The following CEP128 variants were observed in gnomAD, a reference collection of about 807,000 sequenced individuals.
CEP128 encodes the protein centrosomal protein 128.
CEP128 carries 132 observed loss-of-function variants against 156.7 expected under a neutral mutation model. That is an observed-to-expected ratio of 0.84 (90% confidence interval 0.73 to 0.97). CEP128 has a LOEUF of 0.97. Among genes scored for constraint, CEP128 ranks in the 50% least tolerant of loss-of-function variants. CEP128 has a pLI of 0.00. For missense variants in CEP128, 1,252 were observed against 1,281.9 expected (o/e 0.98, Z 0.36); for synonymous variants, 469 against 448.9 (o/e 1.04, Z -0.57).
At chr14:80,580,468 C>CGAGTTAT (rs1891543305) in intron 19 of CEP128, 45 bp from the exon 20 acceptor site, 8 of 1,190,730 alleles carry the variant, frequency 6.7e-6, no homozygotes, top group Admixed American at 1.7e-5. Context: ...AATGTAAAAA[C>CGAGTTAT]GAGTTGCCTC....
chr14:80,759,772 T>C (rs917021812), intron 17 of CEP128, among the ~76,000 whole-genome samples: 3 of 152,120 alleles, frequency 2.0e-5, no homozygotes, highest in African/African-American at 7.2e-5. Context: ...TCTTGGAATA[T>C]ATTGGAAGGA....
At chr14:80,822,789 C>T in intron 13 of CEP128, 2 of 754,230 alleles carry the variant, frequency 2.7e-6, no homozygotes, top group Admixed American at 1.7e-5. Context: ...GCTGGAGACG[C>T]CAAGTGAAGT....
intron 14 of CEP128, among the ~76,000 whole-genome samples, chr14:80,484,143 AT>A (rs1887110577): frequency 6.6e-6 from 1 of 151,984 alleles, no homozygotes; most frequent in South Asian, 2.1e-4. Flanking sequence ...TGCCCAACTA[AT>A]TTTTGTATTT....
At chr14:80,559,530 T>G (rs552918990) in intron 20 of CEP128, among the ~76,000 whole-genome samples, 1 of 152,174 alleles carries the variant, frequency 6.6e-6, no homozygotes, top group Non-Finnish European at 1.5e-5. Flanking sequence ...AGTTTAAGAG[T>G]AAATGCTACA....
chr14:80,782,888 T>C (rs1214167280), intron 15 of CEP128, among the ~76,000 whole-genome samples: 1 of 152,190 alleles, frequency 6.6e-6, no homozygotes, highest in Non-Finnish European at 1.5e-5. Context: ...CCTCCTGTCA[T>C]ATGGCCTTTT....
intron 8 of CEP128, among the ~76,000 whole-genome samples, chr14:80,864,670 C>T (rs1019452662): frequency 2.0e-5 from 3 of 151,952 alleles, no homozygotes; most frequent in Non-Finnish European, 4.4e-5. Flanking sequence ...GATTCTCCCG[C>T]CTCAGTCTCC....
chr14:80,746,639 T>G (rs997873656), intron 18 of CEP128, among the ~76,000 whole-genome samples: 5 of 152,210 alleles, frequency 3.3e-5, no homozygotes, highest in Non-Finnish European at 7.3e-5. Context: ...ATAAGATTAT[T>G]GAAAGAAAAC....
chr14:80,729,295 G>C (rs1365306834), intron 19 of CEP128, among the ~76,000 whole-genome samples: 2 of 151,696 alleles, frequency 1.3e-5, no homozygotes, highest in Non-Finnish European at 2.9e-5. Flanking sequence ...ACTTCACTTA[G>C]AATAATGGTC....
At chr14:80,738,366 A>C (rs1898640862) in intron 19 of CEP128, among the ~76,000 whole-genome samples, 1 of 152,238 alleles carries the variant, frequency 6.6e-6, no homozygotes, top group South Asian at 2.1e-4. Flanking sequence ...AGCAGGGAAA[A>C]GCAGAAAAAC....
At chr14:80,921,718 C>A (rs9805948) in intron 2 of CEP128, among the ~76,000 whole-genome samples, 9,779 of 152,114 alleles carry the variant, frequency 0.064, 1,045 homozygotes, top group African/African-American at 0.22. Flanking sequence ...TATCTTAGCA[C>A]TTTGGGAGGC....
At chr14:80,489,776 T>G (rs1887260472), downstream of CEP128, among the ~76,000 whole-genome samples, 2 of 152,050 alleles carry the variant, frequency 1.3e-5, no homozygotes, top group Non-Finnish European at 2.9e-5. Flanking sequence ...GTGTGACATC[T>G]CCAGTGGAAG....
At chr14:80,695,338 G>A (rs1309626956) in intron 19 of CEP128, among the ~76,000 whole-genome samples, 1 of 152,198 alleles carries the variant, frequency 6.6e-6, no homozygotes, top group Non-Finnish European at 1.5e-5. Flanking sequence ...TATACATTGA[G>A]TTTTGAGAAA....
At chr14:80,484,762 C>T (rs1887124476) in intron 14 of CEP128, among the ~76,000 whole-genome samples, 1 of 152,068 alleles carries the variant, frequency 6.6e-6, no homozygotes, top group South Asian at 2.1e-4. Context: ...TCTTTTTTTC[C>T]AGTTCACTTG....
At chr14:80,665,148 A>G (rs984619793) in intron 19 of CEP128, among the ~76,000 whole-genome samples, 30 of 152,202 alleles carry the variant, frequency 2.0e-4, no homozygotes, top group Non-Finnish European at 7.3e-5. Context: ...CGTGTCATAT[A>G]GAATACACCT....
chr14:80,767,589 T>A (rs1199786696), intron 16 of CEP128, among the ~76,000 whole-genome samples: 1 of 152,114 alleles, frequency 6.6e-6, no homozygotes, highest in African/African-American at 2.4e-5. Flanking sequence ...GGTGAATTCC[T>A]AACTCATTAT....
chr14:80,792,816 G>C lies in CEP128; in HGVS notation c.1504C>G (p.Arg502Gly), dbSNP rs145040014. ...QWKLKHKKLE[R>G]ALEKQSETVD... ...GTTTCAGATTGTTTCTCCAACGCTC[G>C]TTCTAACTTCTTATGCTTAAGCTTC... The change falls in exon 14 of 25, where the codon CGA (arginine) becomes GGA (glycine). Residue 502 changes from arginine to glycine, a missense_variant. Arg to Gly is a moderately radical substitution (Grantham distance 125). Coordinates refer to ENST00000555265, the MANE Select transcript of CEP128 (RefSeq NM_152446.5). 2 of 1,613,974 alleles carry C rather than the reference G, an allele frequency of 1.2e-6. No homozygotes were observed. The highest frequency in any genetic ancestry group is 1.7e-6 in the Non-Finnish European group (2 of 1,180,020).
intron 21 of CEP128, among the ~76,000 whole-genome samples, chr14:80,553,259 C>T (rs557047796): frequency 5.3e-5 from 8 of 152,220 alleles, no homozygotes; most frequent in Non-Finnish European, 8.8e-5. Flanking sequence ...CCCCAACCGA[C>T]ATGCCCTAGT....
intron 13 of CEP128, among the ~76,000 whole-genome samples, chr14:80,829,956 G>A (rs1595467789): frequency 1.3e-5 from 2 of 152,260 alleles, no homozygotes. Flanking sequence ...TGTGAAGGAA[G>A]GAAAGAAGGG....
At chr14:80,569,769 T>G (rs1891060727) in intron 20 of CEP128, among the ~76,000 whole-genome samples, 1 of 152,224 alleles carries the variant, frequency 6.6e-6, no homozygotes, top group African/African-American at 2.4e-5. Context: ...TTTACATGTT[T>G]ATTTGGTTGA....
Sources: gnomAD v4.1 joint callset for allele counts (sites outside exome capture counted in the v4.1 genomes callset) on GRCh38, gnomAD v4.1.1 for gene constraint, MANE v1.5 for transcripts, NCBI Gene and HGNC (gene_info 2026-07-23, HGNC 2026-07-21) for gene names.